The following KLHL29 variants were observed in gnomAD, a reference collection of about 807,000 sequenced individuals.
KLHL29 encodes the protein kelch like family member 29.
KLHL29 carries 21 observed loss-of-function variants against 80.4 expected under a neutral mutation model. The observed-to-expected ratio is 0.26, with a 90% CI of 0.19 to 0.38. The LOEUF is 0.38. KLHL29 is among the 10% of genes least tolerant of loss of function. The pLI, the probability that KLHL29 is intolerant of heterozygous loss-of-function variation, is 1.00. For synonymous variants in KLHL29, 511 were observed against 526.8 expected, an observed-to-expected ratio of 0.97 and a Z score of 0.41; for missense variants, 867 against 1,223.9, an observed-to-expected ratio of 0.71 and a Z score of 4.35.
intron 6 of KLHL29, among the ~76,000 whole-genome samples, chr2:23,686,189 G>T (rs539560747): frequency 6.6e-6 from 1 of 152,304 alleles, no homozygotes; most frequent in Admixed American, 6.5e-5. Flanking sequence ...CTGCACTGGG[G>T]CAGGCAAGCC....
intron 5 of KLHL29, chr2:23,668,732 C>G (rs1395326319): frequency 6.6e-6 from 1 of 152,300 alleles, no homozygotes; most frequent in Non-Finnish European, 1.5e-5. Context: ...GCAGACCCTC[C>G]TGATCCCCCA....
chr2:23,467,319 A>T (rs1411260973), intron 1 of KLHL29, among the ~76,000 whole-genome samples: 1 of 152,248 alleles, frequency 6.6e-6, no homozygotes, highest in East Asian at 1.9e-4. Flanking sequence ...AAACAGAATT[A>T]GCTTCTCATT....
At chr2:23,611,658 G>A (rs1668874278) in intron 3 of KLHL29, among the ~76,000 whole-genome samples, 1 of 152,110 alleles carries the variant, frequency 6.6e-6, no homozygotes, top group African/African-American at 2.4e-5. Context: ...ACAAATATCA[G>A]TAGAAACAAC....
At position 23,477,109 on chromosome 2, in the gene KLHL29, C is replaced by T. The variant is rs576067739; in HGVS notation, c.-46+1442C>T. Among the ~76,000 whole-genome samples, 38 of 152,380 alleles carry T rather than the reference C, an allele frequency of 2.5e-4. No homozygotes were observed. In the South Asian group the frequency reaches 7.0e-3, roughly 28 times the overall value. The stretch of plus-strand genomic sequence containing the variant: ...CTTGAGCCTTTAGAAGTACAGGCTG[C>T]GTCTGCATAACACACAGGGCCTAGT... On this transcript the variant is annotated intron_variant, in intron 2 of 13. Transcript: ENST00000486442.
chr2:23,492,246 C>T (rs1665125350), intron 2 of KLHL29, among the ~76,000 whole-genome samples: 1 of 152,260 alleles, frequency 6.6e-6, no homozygotes. Flanking sequence ...CCATGGGCCT[C>T]TCTGGACTGG....
At chr2:23,544,465 G>A (rs75687589) in intron 2 of KLHL29, among the ~76,000 whole-genome samples, 1,570 of 152,282 alleles carry the variant, frequency 0.01, 24 homozygotes, top group African/African-American at 0.035. Flanking sequence ...GATAGCCATC[G>A]GAACAGCTGC....
intron 3 of KLHL29, among the ~76,000 whole-genome samples, chr2:23,610,032 A>G (rs1394529621): frequency 6.6e-6 from 1 of 152,016 alleles, no homozygotes; most frequent in Non-Finnish European, 1.5e-5. Context: ...TGTGACACAT[A>G]CCCCTGACAG....
chr2:23,421,557 TG>T (rs1662804760), intron 1 of KLHL29, among the ~76,000 whole-genome samples: 1 of 138,388 alleles, frequency 7.2e-6, no homozygotes. Context: ...TGTGTGTGTG[TG>T]TGTGTGTCTG....
chr2:23,683,920 T>G (rs944061149), intron 5 of KLHL29, among the ~76,000 whole-genome samples: 7 of 152,216 alleles, frequency 4.6e-5, no homozygotes, highest in Non-Finnish European at 1.0e-4. Context: ...ACGCTGTTTT[T>G]GCAGGTTTTG....
At chr2:23,415,692 A>C (rs1452991090) in intron 1 of KLHL29, among the ~76,000 whole-genome samples, 1 of 151,770 alleles carries the variant, frequency 6.6e-6, no homozygotes, top group South Asian at 2.1e-4. Context: ...TTAGATCTAA[A>C]GGTAGTCTTT....
intron 1 of KLHL29, among the ~76,000 whole-genome samples, chr2:23,428,668 G>A (rs1332053516): frequency 6.6e-6 from 1 of 152,128 alleles, no homozygotes; most frequent in Non-Finnish European, 1.5e-5. Flanking sequence ...TGGCTGTTGT[G>A]AGTCAAATTG....
rs1013458654 is a variant in KLHL29 at position 23,660,313 on chromosome 2, C to T, written c.940+17463C>T. On this transcript the variant is annotated intron_variant, in intron 5 of 13. Transcript: ENST00000486442. ...GGTCACCTCAGCTCCCTGTTGCTTC[C>T]CCCTCAGCCTGTCTCTTCTGATTTA... Among the ~76,000 whole-genome samples, 5 of 152,226 alleles carry T rather than the reference C, an allele frequency of 3.3e-5. No individual in the cohort carries two copies. In the South Asian group the frequency reaches 8.3e-4, roughly 25 times the overall value.
In KLHL29 at chr2:23,669,966, C is replaced by T. The variant is rs527887774; in HGVS notation, c.941-14433C>T. On this transcript the variant is annotated intron_variant, in intron 5 of 13. Coordinates refer to ENST00000486442, the MANE Select transcript of KLHL29 (RefSeq NM_052920.2). This position sits in a 1 kb window ranked among gnomAD's most constrained non-coding sequence, Gnocchi z 4.3. ...AAGCAGAGAGGGGTGTCAGTAAAGC[C>T]AGAAGCTCAGCTGAAATGGTAGGGA... Among the ~76,000 whole-genome samples, 11 of 152,212 alleles carry T rather than the reference C, an allele frequency of 7.2e-5. No individual in the cohort carries two copies. The East Asian group carries it at 2.1e-3, about 30-fold the overall frequency.
chr2:23,525,207 T>C (rs1045922799), intron 2 of KLHL29, among the ~76,000 whole-genome samples: 6 of 152,190 alleles, frequency 3.9e-5, no homozygotes, highest in Non-Finnish European at 8.8e-5. Flanking sequence ...ACTTGAGGAC[T>C]GAGAATACAG....
chr2:23,521,529 T>TC (rs1236203860), intron 2 of KLHL29, among the ~76,000 whole-genome samples: 1 of 152,134 alleles, frequency 6.6e-6, no homozygotes, highest in African/African-American at 2.4e-5. Flanking sequence ...AGTCATGAGC[T>TC]CCCTCAGCAT....
At position 23,413,233 on chromosome 2, in the gene KLHL29, T is replaced by C. The variant is rs566828455; in HGVS notation, c.-154+27453T>C. Among the ~76,000 whole-genome samples, 5 of 152,322 alleles carry C rather than the reference T, an allele frequency of 3.3e-5. No homozygotes were observed. In the South Asian group the frequency reaches 1.0e-3, roughly 32 times the overall value. On this transcript the variant is annotated intron_variant, in intron 1 of 13. Coordinates refer to ENST00000486442, the MANE Select transcript of KLHL29 (RefSeq NM_052920.2). ...ACCTCACATTGGGGATCATTTGTAC[T>C]GAAGATAATTCTTCAGCGGAGTCGT...
chr2:23,683,881 G>A (rs565813791), intron 5 of KLHL29, among the ~76,000 whole-genome samples: 21 of 152,250 alleles, frequency 1.4e-4, no homozygotes, highest in African/African-American at 4.6e-4. Context: ...CTCCTCCCAC[G>A]CCATGGCTGT....
In KLHL29 at chr2:23,639,360, C is replaced by T; in HGVS notation, c.427+80C>T. On this transcript the variant is annotated intron_variant, in intron 4 of 13. Transcript: ENST00000486442. ...TAGAGGCTTCCTGGGGACCCCAACT[C>T]CTGCACAGCAGGTCTTGAACCCAGG... The T allele has an allele frequency of 8.5e-6, 12 of 1,409,568 alleles. No homozygotes were observed. The South Asian group carries it at 1.6e-4, about 19-fold the overall frequency. 87.3% of individuals were successfully genotyped at this position (1,409,568 alleles called of 1,614,324 possible). A position where few individuals can be genotyped will look rare whatever the true frequency, so the allele number is the denominator to read the frequency against.
rs1220807268 is a variant in KLHL29 at position 23,503,126 on chromosome 2, TAAGAA to T, written c.-46+27463_-46+27467del. Among the ~76,000 whole-genome samples the T allele has an allele frequency of 1.3e-5, 2 of 152,194 alleles. No individual in the cohort carries two copies. The highest frequency in any genetic ancestry group is 4.8e-5 in the African/African-American group (2 of 41,452). ...TTTGTAAAATTACCCCAGGGCATGATAAGAAAAGGAGTAAGCAATTAAAATGCACA... is the reference window on the plus strand; with the variant it reads ...TTTGTAAAATTACCCCAGGGCATGATAAGGAGTAAGCAATTAAAATGCACA... On this transcript the variant is annotated intron_variant, in intron 2 of 13. Coordinates refer to ENST00000486442, the MANE Select transcript of KLHL29 (RefSeq NM_052920.2). This position sits in a 1 kb window ranked among gnomAD's most constrained non-coding sequence, Gnocchi z 4.0.
Sources: allele counts gnomAD v4.1 joint callset (sites outside exome capture counted in the v4.1 genomes callset), GRCh38; gene constraint gnomAD v4.1.1; non-coding constraint Gnocchi (gnomAD v3.1); transcripts MANE v1.5; gene names NCBI Gene and HGNC (gene_info 2026-07-23, HGNC 2026-07-21).